Variants in DRC2 observed in about 807,000 individuals in gnomAD.
The protein encoded by DRC2 is coiled-coil domain containing 65.
At chr12:48,913,921 C>G in the DRC2 span, among the ~76,000 whole-genome samples, 1 of 137,704 alleles carries the variant, frequency 7.3e-6, no homozygotes, top group Admixed American at 8.0e-5. Flanking sequence ...CCACCGTGCC[C>G]AGTCTTTTTT....
At chr12:48,921,140 C>G in the DRC2 span, 14 of 1,612,000 alleles carry the variant, frequency 8.7e-6, no homozygotes, top group East Asian at 2.9e-4. Flanking sequence ...TCTCGCTGCA[C>G]ACCTTCTCCC....
chr12:48,919,498 C>A, the DRC2 span, among the ~76,000 whole-genome samples: 2 of 149,998 alleles, frequency 1.3e-5, no homozygotes, highest in Admixed American at 1.3e-4. Context: ...GCGTTGAGCT[C>A]CCCCTTACAT....
chr12:48,912,437 CAAA>C, the DRC2 span, among the ~76,000 whole-genome samples: 74 of 45,364 alleles, frequency 1.6e-3, 7 homozygotes, highest in South Asian at 0.041. Flanking sequence ...GACGCCGTCT[CAAA>C]AAAAAAAAAA....
At chr12:48,921,398 C>T in the DRC2 span, 3 of 1,613,978 alleles carry the variant, frequency 1.9e-6, no homozygotes, top group African/African-American at 1.3e-5. Flanking sequence ...AGCCCTTGTC[C>T]ATACGTATAG....
the DRC2 span, among the ~76,000 whole-genome samples, chr12:48,913,685 T>TG: frequency 6.6e-5 from 10 of 151,820 alleles, no homozygotes; most frequent in African/African-American, 2.4e-4. Context: ...TTAGTAGAGA[T>TG]GGGGTTTCAC....
chr12:48,913,176 T>C, the DRC2 span, among the ~76,000 whole-genome samples: 3 of 151,874 alleles, frequency 2.0e-5, no homozygotes, highest in African/African-American at 7.3e-5. Flanking sequence ...TTCAACTTAT[T>C]TTCTGCATCA....
At chr12:48,921,345 C>G in the DRC2 span, 1 of 1,614,192 alleles carries the variant, frequency 6.2e-7, no homozygotes, top group Non-Finnish European at 8.5e-7. Flanking sequence ...GCTGAGCCAG[C>G]TCAACCCACT....
chr12:48,921,474 C>T, the DRC2 span: 6 of 1,573,822 alleles, frequency 3.8e-6, no homozygotes, highest in Non-Finnish European at 4.3e-6. Flanking sequence ...GATGATCTTC[C>T]ACAACCTGTG....
At chr12:48,918,647 G>A in the DRC2 span, 1 of 1,597,194 alleles carries the variant, frequency 6.3e-7, no homozygotes, top group Non-Finnish European at 8.6e-7. Context: ...CCCTCAGTTG[G>A]TCAAGTAGAT....
At chr12:48,904,443 A>C in the DRC2 span, 11 of 1,614,056 alleles carry the variant, frequency 6.8e-6, no homozygotes, top group African/African-American at 1.3e-5. Flanking sequence ...AAAAAGAAGG[A>C]GAGGCTCCTC....
the DRC2 span, chr12:48,914,695 A>C: frequency 1.2e-6 from 1 of 836,566 alleles, no homozygotes; most frequent in Non-Finnish European, 1.8e-6. Context: ...TTATCACGGG[A>C]CCCCCAGCAG....
At chr12:48,914,661 G>A in the DRC2 span, 3 of 1,209,182 alleles carry the variant, frequency 2.5e-6, no homozygotes, top group Non-Finnish European at 3.5e-6. Context: ...CAAGTGGCTA[G>A]TATCTTGGAG....
At chr12:48,915,774 G>A in the DRC2 span, among the ~76,000 whole-genome samples, 1 of 150,608 alleles carries the variant, frequency 6.6e-6, no homozygotes, top group Admixed American at 6.6e-5. Context: ...GGCCGGGCGG[G>A]GGGCTGACCC....
chr12:48,914,397 G>C, the DRC2 span: 3 of 1,595,712 alleles, frequency 1.9e-6, no homozygotes, highest in Non-Finnish European at 2.6e-6. Context: ...CTCTCTTTCT[G>C]GCCTAGTCTT....
chr12:48,905,081 C>T, the DRC2 span: 4 of 1,613,134 alleles, frequency 2.5e-6, no homozygotes, highest in Admixed American at 1.7e-5. Flanking sequence ...AACATTTGAA[C>T]GAGTGGTGGA....
At chr12:48,904,496 T>C in the DRC2 span, 1 of 1,608,518 alleles carries the variant, frequency 6.2e-7, no homozygotes, top group Non-Finnish European at 8.5e-7. Context: ...TATGTCCTGC[T>C]CAACCCCATC....
the DRC2 span, chr12:48,916,835 G>A: frequency 1.3e-6 from 1 of 759,328 alleles, no homozygotes; most frequent in Non-Finnish European, 2.0e-6. Context: ...AAAGAGTAAA[G>A]CCTTCCCTCT....
chr12:48,915,130 T>TA, the DRC2 span, among the ~76,000 whole-genome samples: 22 of 146,300 alleles, frequency 1.5e-4, no homozygotes, highest in Middle Eastern at 7.0e-3. Context: ...TTTTTTTTTT[T>TA]ATTGATCATT....
the DRC2 span, chr12:48,921,278 GA>G: frequency 6.2e-7 from 1 of 1,614,218 alleles, no homozygotes. Context: ...ATATCAATGG[GA>G]AGCTGCGGGA....
Sources: gnomAD v4.1 joint callset for allele counts (sites outside exome capture counted in the v4.1 genomes callset) on GRCh38, gnomAD v4.1.1 for gene constraint, MANE v1.5 for transcripts, NCBI Gene and HGNC (gene_info 2026-07-23, HGNC 2026-07-21) for gene names.